FGF14: variants seen among roughly 807,000 people sequenced by gnomAD.
FGF14 encodes fibroblast growth factor 14.
In FGF14, 5 loss-of-function variants were observed where a neutral mutation model predicts 25.5. That is an observed-to-expected ratio of 0.20 (90% CI 0.10 to 0.41). FGF14 has a LOEUF of 0.41. Among genes scored for constraint, FGF14 ranks in the 10% least tolerant of loss-of-function variants. The pLI is 1.00. For missense variants in FGF14, 222 were observed against 320.1 expected, an observed-to-expected ratio of 0.69 and a Z score of 2.34; for synonymous variants, 138 against 118.3, an observed-to-expected ratio of 1.17 and a Z score of -1.08.
rs971189891 is a variant in FGF14 at position 102,334,129 on chromosome 13, G to A, written c.208+67342C>T. On this transcript the variant is annotated intron_variant, in intron 1 of 4. Coordinates refer to the FGF14 transcript ENST00000376131. ...ATTAATGAGCCACCCAAAGTAAACCGGAAGACTCAGCCTGAGTAGCCCACC... is the reference window on the plus strand; with the variant it reads ...ATTAATGAGCCACCCAAAGTAAACCAGAAGACTCAGCCTGAGTAGCCCACC... Among the ~76,000 whole-genome samples, 58 of 152,222 alleles carry A rather than the reference G, an allele frequency of 3.8e-4. 1 individual carries two copies. Among genetic ancestry groups the A allele is most frequent in the African/African-American group, 9.1e-4 (38 of 41,542 alleles).
chr13:102,121,000 G>C (rs1381499868), intron 1 of FGF14, among the ~76,000 whole-genome samples: 1 of 152,076 alleles, frequency 6.6e-6, no homozygotes, highest in Non-Finnish European at 1.5e-5. Context: ...CACCGCGCCC[G>C]GCCGAAAAGT....
intron 1 of FGF14, among the ~76,000 whole-genome samples, chr13:102,069,945 G>A (rs540490577): frequency 1.3e-5 from 2 of 152,178 alleles, no homozygotes; most frequent in East Asian, 1.9e-4. Context: ...AAAACATTGG[G>A]GAAATTCTCC....
chr13:102,045,157 T>C (rs1481085945), intron 1 of FGF14, among the ~76,000 whole-genome samples: 2 of 152,162 alleles, frequency 1.3e-5, no homozygotes, highest in Non-Finnish European at 2.9e-5. Context: ...TTTCAAGAGT[T>C]GTCTCAGACA....
intron 1 of FGF14, among the ~76,000 whole-genome samples, chr13:102,132,615 C>A (rs1227123476): frequency 2.0e-5 from 3 of 151,804 alleles, no homozygotes; most frequent in African/African-American, 7.3e-5. Flanking sequence ...AATTCTGCCA[C>A]AGGTAATTCT....
intron 3 of FGF14, among the ~76,000 whole-genome samples, chr13:101,807,770 A>G (rs1225596201): frequency 6.6e-6 from 1 of 151,954 alleles, no homozygotes; most frequent in Non-Finnish European, 1.5e-5. Context: ...TAAATAGAGG[A>G]TGGTTGGGAA....
intron 1 of FGF14, among the ~76,000 whole-genome samples, chr13:102,277,790 C>T (rs1175254905): frequency 1.3e-5 from 2 of 152,192 alleles, no homozygotes; most frequent in Non-Finnish European, 2.9e-5. Context: ...TACAGTGAAC[C>T]CACAAAAGTG....
intron 1 of FGF14, among the ~76,000 whole-genome samples, chr13:102,327,870 G>A (rs2056508113): frequency 1.4e-5 from 2 of 143,330 alleles, no homozygotes; most frequent in Non-Finnish European, 3.1e-5. Context: ...AAAAAAAAAG[G>A]ATATCAAGAA....
chr13:101,827,156 T>G (rs2042430208), intron 3 of FGF14, among the ~76,000 whole-genome samples: 3 of 151,982 alleles, frequency 2.0e-5, no homozygotes. Flanking sequence ...AATGCAAACT[T>G]TTAGAGAGTT....
At chr13:102,092,638 A>G (rs1382752348) in intron 1 of FGF14, among the ~76,000 whole-genome samples, 1 of 152,170 alleles carries the variant, frequency 6.6e-6, no homozygotes, top group Non-Finnish European at 1.5e-5. Context: ...ACATTTTACA[A>G]TCAATATATG....
intron 1 of FGF14, among the ~76,000 whole-genome samples, chr13:102,365,746 G>A (rs534155461): frequency 5.3e-5 from 8 of 152,124 alleles, no homozygotes; most frequent in African/African-American, 1.9e-4. Flanking sequence ...ATATGTGTGT[G>A]TGTGTGTATA....
chr13:102,006,727 C>CTTTT (rs774872814), intron 1 of FGF14, among the ~76,000 whole-genome samples: 2,752 of 62,018 alleles, frequency 0.044, 545 homozygotes, highest in Middle Eastern at 0.1. Flanking sequence ...AATCTTACTT[C>CTTTT]TTTTTTTTTT....
chr13:102,044,136 C>T (rs2041869001), intron 1 of FGF14, among the ~76,000 whole-genome samples: 1 of 152,132 alleles, frequency 6.6e-6, no homozygotes, highest in African/African-American at 2.4e-5. Context: ...TCCTCCACTT[C>T]ATCTCACCTG....
intron 1 of FGF14, among the ~76,000 whole-genome samples, chr13:102,346,503 G>A (rs1345403947): frequency 6.6e-6 from 1 of 151,962 alleles, no homozygotes; most frequent in Non-Finnish European, 1.5e-5. Flanking sequence ...AGGCAGAATG[G>A]AACTCTGTTT....
At chr13:101,826,409 G>A (rs2042395966) in intron 3 of FGF14, among the ~76,000 whole-genome samples, 1 of 151,974 alleles carries the variant, frequency 6.6e-6, no homozygotes, top group Admixed American at 6.6e-5. Flanking sequence ...TGAGTAGACC[G>A]ATCAGACACA....
At chr13:102,112,511 C>G (rs1469352232) in intron 1 of FGF14, among the ~76,000 whole-genome samples, 1 of 152,138 alleles carries the variant, frequency 6.6e-6, no homozygotes, top group Non-Finnish European at 1.5e-5. Flanking sequence ...TATATTTACT[C>G]TCTTTCAAAA....
At chr13:101,828,159 GAAC>G (rs1038383960) in intron 3 of FGF14, among the ~76,000 whole-genome samples, 1 of 151,806 alleles carries the variant, frequency 6.6e-6, no homozygotes, top group Non-Finnish European at 1.5e-5. Flanking sequence ...CTTTTAAAAA[GAAC>G]AACAGCCACG....
At chr13:102,181,956 T>A (rs992062128) in intron 1 of FGF14, among the ~76,000 whole-genome samples, 1 of 152,158 alleles carries the variant, frequency 6.6e-6, no homozygotes, top group South Asian at 2.1e-4. Context: ...TGCTGAAACC[T>A]TGATTTCTGA....
intron 1 of FGF14, among the ~76,000 whole-genome samples, chr13:102,199,503 C>A (rs1313402326): frequency 1.3e-5 from 2 of 152,134 alleles, no homozygotes; most frequent in Non-Finnish European, 1.5e-5. Flanking sequence ...AGGTAGCAAA[C>A]CTAGTTAGTC....
At chr13:102,365,168 C>G (rs1196872710) in intron 1 of FGF14, among the ~76,000 whole-genome samples, 1 of 152,104 alleles carries the variant, frequency 6.6e-6, no homozygotes, top group Non-Finnish European at 1.5e-5. Flanking sequence ...AAACAAAGTT[C>G]TTAAGCTCTA....
Sources: allele counts gnomAD v4.1 joint callset (sites outside exome capture counted in the v4.1 genomes callset), GRCh38; gene constraint gnomAD v4.1.1; transcripts MANE v1.5; gene names NCBI Gene and HGNC (gene_info 2026-07-23, HGNC 2026-07-21).